Variants in NRCAM observed in about 807,000 individuals in gnomAD.
NRCAM encodes the protein NgCAM-related cell adhesion molecule.
In NRCAM, 83 loss-of-function variants were observed where a neutral mutation model predicts 156.5. That is an observed-to-expected ratio of 0.53 (90% CI 0.44 to 0.64). NRCAM has a LOEUF of 0.64. NRCAM is among the 30% of genes least tolerant of loss of function. The pLI is 0.00. For synonymous variants in NRCAM, 538 were observed against 563.9 expected, an observed-to-expected ratio of 0.95 and a Z score of 0.65; for missense variants, 1,417 against 1,597.3, an observed-to-expected ratio of 0.89 and a Z score of 1.92.
chr7:108,325,455 T>C (rs1273738911), intron 2 of NRCAM, among the ~76,000 whole-genome samples: 1 of 152,108 alleles, frequency 6.6e-6, no homozygotes, highest in Non-Finnish European at 1.5e-5. Context: ...TTTTCCTGGA[T>C]CTTGGAGTTC....
chr7:108,428,734 G>A (rs907277140), intron 1 of NRCAM, among the ~76,000 whole-genome samples: 1 of 152,042 alleles, frequency 6.6e-6, no homozygotes, highest in African/African-American at 2.4e-5. Context: ...TAAAAGATGG[G>A]GCTCCATTTC....
chr7:108,236,346 T>A (rs1423493043), intron 5 of NRCAM, among the ~76,000 whole-genome samples: 2 of 152,194 alleles, frequency 1.3e-5, no homozygotes, highest in Admixed American at 1.3e-4. Context: ...TGTACTATTA[T>A]ATGCAGGGTA....
chr7:108,208,928 C>T (rs945469697), intron 12 of NRCAM, among the ~76,000 whole-genome samples: 9 of 152,178 alleles, frequency 5.9e-5, no homozygotes, highest in African/African-American at 2.2e-4. Context: ...TCCCTGGATT[C>T]CATACTCTGT....
At chr7:108,248,962 G>T (rs1389217483) in intron 3 of NRCAM, among the ~76,000 whole-genome samples, 2 of 84,432 alleles carry the variant, frequency 2.4e-5, no homozygotes, top group East Asian at 4.3e-4. Context: ...CAGGGAGCAG[G>T]ATGATGATGA....
At chr7:108,424,618 C>T (rs1264916663) in intron 1 of NRCAM, among the ~76,000 whole-genome samples, 1 of 151,858 alleles carries the variant, frequency 6.6e-6, no homozygotes, top group African/African-American at 2.4e-5. Context: ...GTAGGTTAGT[C>T]CTATCTACAC....
chr7:108,446,730 G>GTCT, intron 1 of NRCAM, among the ~76,000 whole-genome samples: 1 of 95,882 alleles, frequency 1.0e-5, no homozygotes, highest in East Asian at 2.6e-4. Flanking sequence ...TACAACCTAT[G>GTCT]TCTTTTTTTT....
intron 3 of NRCAM, among the ~76,000 whole-genome samples, chr7:108,255,579 G>A (rs1292037833): frequency 2.0e-5 from 3 of 152,056 alleles, no homozygotes; most frequent in Non-Finnish European, 2.9e-5. Context: ...GCCTCTGCCC[G>A]GCCGCCACCC....
chr7:108,396,414 C>T (rs905099509), intron 2 of NRCAM, among the ~76,000 whole-genome samples: 1 of 152,142 alleles, frequency 6.6e-6, no homozygotes, highest in East Asian at 1.9e-4. Context: ...GTGTATGTGC[C>T]GTCATTCCAA....
chr7:108,257,131 G>A (rs1298776796), intron 3 of NRCAM, among the ~76,000 whole-genome samples: 2 of 151,850 alleles, frequency 1.3e-5, no homozygotes, highest in East Asian at 1.9e-4. Flanking sequence ...GAGAAAGGAA[G>A]GAAGGAAGAA....
intron 32 of NRCAM, among the ~76,000 whole-genome samples, chr7:108,153,663 T>G (rs192095599): frequency 1.3e-3 from 203 of 152,258 alleles, no homozygotes; most frequent in African/African-American, 4.6e-3. Context: ...TATTCATAAC[T>G]GATATGATTG....
intron 3 of NRCAM, among the ~76,000 whole-genome samples, chr7:108,271,208 G>A (rs559051090): frequency 1.3e-5 from 2 of 152,134 alleles, no homozygotes; most frequent in African/African-American, 2.4e-5. Flanking sequence ...TAAAAATTAC[G>A]GTTTCCAAAT....
chr7:108,220,881 C>T (rs1486574878), intron 11 of NRCAM, among the ~76,000 whole-genome samples: 4 of 152,118 alleles, frequency 2.6e-5, no homozygotes, highest in Non-Finnish European at 4.4e-5. Flanking sequence ...TTTTGCATGG[C>T]AAAAACAACA....
intron 30 of NRCAM, among the ~76,000 whole-genome samples, chr7:108,164,165 C>G (rs182984642): frequency 2.7e-5 from 1 of 36,806 alleles, no homozygotes; most frequent in African/African-American, 1.9e-4. Flanking sequence ...GAGGTCATAC[C>G]GGGTGGGGTG....
At position 108,370,575 on chromosome 7, in the gene NRCAM, T is replaced by G. The variant is rs370794158; in HGVS notation, c.-174+28861A>C. ...GCAATCATGCTATTTCTGTAAACAT[T>G]AATAAAATCGTAACGTTTTTCAGAT... is the stretch of plus-strand genomic sequence containing the variant. On this transcript the variant is annotated intron_variant, in intron 2 of 32. Transcript: ENST00000379028. Among the ~76,000 whole-genome samples, 5 of 152,260 alleles carry G rather than the reference T, an allele frequency of 3.3e-5. No individual in the cohort carries two copies. In the South Asian group the frequency reaches 1.0e-3, roughly 32 times the overall value.
Position 108,209,411 on chromosome 7 carries a change from A to C in NRCAM, c.1075+10T>G. On this transcript the variant is annotated intron_variant, in intron 12 of 32. Coordinates refer to ENST00000379028, the MANE Select transcript of NRCAM (RefSeq NM_001037132.4). ...ATGAAGGCAAGAAGAATGGATTTTAAACAATATACCTTTAACTCTAACAGA... is the reference window on the plus strand; with the variant it reads ...ATGAAGGCAAGAAGAATGGATTTTACACAATATACCTTTAACTCTAACAGA... The C allele has an allele frequency of 6.5e-7, 1 of 1,543,466 alleles. No individual in the cohort carries two copies. The highest frequency in any genetic ancestry group is 8.7e-7 in the Non-Finnish European group (1 of 1,147,294).
At chr7:108,421,823 G>A (rs973383298) in intron 1 of NRCAM, among the ~76,000 whole-genome samples, 1 of 152,140 alleles carries the variant, frequency 6.6e-6, no homozygotes, top group African/African-American at 2.4e-5. Context: ...AGAACTCTGT[G>A]GTTTTAGTTT....
chr7:108,317,844 G>A (rs1029958472), intron 2 of NRCAM, among the ~76,000 whole-genome samples: 2 of 151,088 alleles, frequency 1.3e-5, no homozygotes, highest in Non-Finnish European at 2.9e-5. Context: ...AGGAGGCAGA[G>A]GTTGCAGTGA....
chr7:108,303,494 T>C (rs2098664134), intron 3 of NRCAM, among the ~76,000 whole-genome samples: 1 of 152,200 alleles, frequency 6.6e-6, no homozygotes. Context: ...CAATCTATTC[T>C]ACATATAGCT....
chr7:108,320,858 T>C (rs2098993325), intron 2 of NRCAM, among the ~76,000 whole-genome samples: 1 of 152,218 alleles, frequency 6.6e-6, no homozygotes, highest in Non-Finnish European at 1.5e-5. Context: ...TATATGGTAA[T>C]AAGAAAAACT....
Sources: allele counts gnomAD v4.1 joint callset (sites outside exome capture counted in the v4.1 genomes callset), GRCh38; gene constraint gnomAD v4.1.1; transcripts MANE v1.5; gene names NCBI Gene and HGNC (gene_info 2026-07-23, HGNC 2026-07-21).